MAN1A1: variants seen among roughly 807,000 people sequenced by gnomAD.
The protein encoded by MAN1A1 is mannosyl-oligosaccharide 1,2-alpha-mannosidase IA.
Under a neutral mutation model 70.8 loss-of-function variants are expected in MAN1A1, and 29 were observed. The observed-to-expected ratio is 0.41, with a 90% CI of 0.31 to 0.56. The LOEUF (loss-of-function observed/expected upper bound fraction) is 0.56, where lower values mean the gene tolerates loss of function less well. Among genes scored for constraint, MAN1A1 ranks in the 20% least tolerant of loss-of-function variants. MAN1A1 has a pLI of 0.29. For missense variants in MAN1A1, 747 were observed against 841.3 expected, an observed-to-expected ratio of 0.89 and a Z score of 1.39; for synonymous variants, 349 against 330.1, an observed-to-expected ratio of 1.06 and a Z score of -0.62.
chr6:119,255,065 G>A (rs1165042397), intron 5 of MAN1A1, among the ~76,000 whole-genome samples: 1 of 152,112 alleles, frequency 6.6e-6, no homozygotes, highest in Non-Finnish European at 1.5e-5. Context: ...ATCAGACAAG[G>A]CTGTAAACAA....
At chr6:119,190,706 G>A (rs1003334384) in intron 9 of MAN1A1, among the ~76,000 whole-genome samples, 1 of 152,030 alleles carries the variant, frequency 6.6e-6, no homozygotes, top group Admixed American at 6.6e-5. Flanking sequence ...CTTTAAATTT[G>A]GGAGAAATGA....
At chr6:119,281,936 T>C (rs56763032) in intron 5 of MAN1A1, among the ~76,000 whole-genome samples, 57,411 of 150,146 alleles carry the variant, frequency 0.38, 11,341 homozygotes, top group Non-Finnish European at 0.41. Context: ...GTGGCGGGAG[T>C]CTGTAATCCC....
At chr6:119,283,509 T>C (rs997924743) in intron 5 of MAN1A1, among the ~76,000 whole-genome samples, 7 of 151,732 alleles carry the variant, frequency 4.6e-5, no homozygotes, top group Admixed American at 4.6e-4. Context: ...CCATAAACAA[T>C]GAACTATAAT....
intron 6 of MAN1A1, among the ~76,000 whole-genome samples, chr6:119,216,337 C>A (rs922756693): frequency 1.3e-5 from 2 of 152,066 alleles, no homozygotes; most frequent in Non-Finnish European, 2.9e-5. Flanking sequence ...TCGTTGGTGG[C>A]CTGGTCTGGG....
At chr6:119,216,277 A>G (rs113099384) in intron 6 of MAN1A1, among the ~76,000 whole-genome samples, 1 of 152,206 alleles carries the variant, frequency 6.6e-6, no homozygotes, top group Non-Finnish European at 1.5e-5. Context: ...GGTTACATAA[A>G]AGGAGGAGTG....
chr6:119,348,586 G>C lies in MAN1A1; in HGVS notation c.480C>G (p.Asp160Glu), dbSNP rs1773805301. 4 of 1,613,826 alleles carry C rather than the reference G, an allele frequency of 2.5e-6. No individual in the cohort carries two copies. The highest frequency in any genetic ancestry group is 1.3e-5 in the African/African-American group (1 of 74,940). The change falls in exon 2 of 13, where the codon GAC becomes GAG. Residue 160 changes from aspartate to glutamate, a missense_variant. By Grantham distance (45) the Asp-to-Glu change is conservative. This residue lies in a region of MAN1A1 where 328 missense variants were observed against 293.1 expected (regional missense o/e 1.12). Coordinates refer to ENST00000368468, the MANE Select transcript of MAN1A1 (RefSeq NM_005907.4). ...ILLEKKKVAQ[D>E]QLRDKAPFRG... ...TGAACGGCGCCTTGTCACGCAGCTG[G>C]TCCTGGGCCACCTTCTTCTTCTCCA...
intron 8 of MAN1A1, among the ~76,000 whole-genome samples, chr6:119,195,154 C>T (rs1773536702): frequency 6.6e-6 from 1 of 152,040 alleles, no homozygotes. Flanking sequence ...GACAGTGCCC[C>T]TTCAATCTAT....
chr6:119,243,254 T>C (rs898753922), intron 6 of MAN1A1, among the ~76,000 whole-genome samples: 2 of 152,048 alleles, frequency 1.3e-5, no homozygotes, highest in Non-Finnish European at 2.9e-5. Context: ...GTTCAGAAAA[T>C]TTGTTTATTG....
intron 2 of MAN1A1, among the ~76,000 whole-genome samples, chr6:119,337,161 T>C (rs901058851): frequency 6.6e-6 from 1 of 152,156 alleles, no homozygotes; most frequent in Non-Finnish European, 1.5e-5. Context: ...TTTCATTTTA[T>C]AAATCATTCT....
Position 119,348,884 on chromosome 6 carries a change from A to T in MAN1A1, c.182T>A (p.Phe61Tyr). 1 of 1,534,924 alleles carries T rather than the reference A, an allele frequency of 6.5e-7. No individual in the cohort carries two copies. Among genetic ancestry groups the T allele is most frequent in the Non-Finnish European group, 8.8e-7 (1 of 1,142,630 alleles). ...GAGCAGCTTGGAGGAGTCTGGCAGG[A>T]AGAAGATCGCCCCGAAGCAGAGCGT... ...FITLCFGAIF[F>Y]LPDSSKLLSG... The change falls in exon 2 of 13, where the codon TTC (phenylalanine) becomes TAC (tyrosine). Residue 61 changes from phenylalanine (F) to tyrosine (Y), a missense_variant. By Grantham distance (22) the Phe-to-Tyr change is conservative. Around this residue, in one of 2 missense-constraint regions of MAN1A1, gnomAD observed 328 missense variants for 293.1 expected, o/e 1.12. Coordinates refer to ENST00000368468, the MANE Select transcript of MAN1A1 (RefSeq NM_005907.4).
At chr6:119,274,970 A>T in intron 5 of MAN1A1, among the ~76,000 whole-genome samples, 1 of 152,224 alleles carries the variant, frequency 6.6e-6, no homozygotes, top group East Asian at 1.9e-4. Flanking sequence ...GCAATGAATA[A>T]ATGTTTTCAA....
intron 2 of MAN1A1, among the ~76,000 whole-genome samples, chr6:119,325,170 T>C (rs1466350511): frequency 6.6e-6 from 1 of 152,196 alleles, no homozygotes; most frequent in East Asian, 1.9e-4. Flanking sequence ...GTTGGGCCTA[T>C]ATTTACCTTA....
At chr6:119,293,505 GT>G (rs1228370669) in intron 4 of MAN1A1, among the ~76,000 whole-genome samples, 1 of 151,964 alleles carries the variant, frequency 6.6e-6, no homozygotes, top group African/African-American at 2.4e-5. Context: ...CTATGTCCTT[GT>G]CTTTAATAAA....
intron 4 of MAN1A1, among the ~76,000 whole-genome samples, chr6:119,301,095 G>A (rs897606808): frequency 2.0e-5 from 3 of 152,164 alleles, no homozygotes; most frequent in Non-Finnish European, 2.9e-5. Context: ...TTACTTGTGC[G>A]TGGTGACTGG....
intron 11 of MAN1A1, among the ~76,000 whole-genome samples, chr6:119,186,430 G>A (rs1302891779): frequency 3.9e-5 from 6 of 152,178 alleles, no homozygotes; most frequent in African/African-American, 1.4e-4. Flanking sequence ...AAGCAAAACA[G>A]GGACAGAAGA....
rs184115887 is a variant in MAN1A1 at position 119,297,779 on chromosome 6, G to T, written c.816+4209C>A. ...TTTTGAGATGGAGTCTCGCTCTGTCGCCCAGGCTGGAGTTTTTTTGTTTTG... is the reference window on the plus strand; with the variant it reads ...TTTTGAGATGGAGTCTCGCTCTGTCTCCCAGGCTGGAGTTTTTTTGTTTTG... On this transcript the variant is annotated intron_variant, in intron 4 of 12. Coordinates refer to ENST00000368468, the MANE Select transcript of MAN1A1 (RefSeq NM_005907.4). Among the ~76,000 whole-genome samples the T allele has an allele frequency of 5.5e-3, 533 of 97,446 alleles. 21 individuals are homozygous for T. The East Asian group carries it at 0.09, about 16-fold the overall frequency. 63.9% of individuals were successfully genotyped at this position (97,446 alleles called of 152,430 possible).
At chr6:119,205,790 A>C (rs1386299299) in intron 6 of MAN1A1, among the ~76,000 whole-genome samples, 1 of 152,160 alleles carries the variant, frequency 6.6e-6, no homozygotes, top group Non-Finnish European at 1.5e-5. Flanking sequence ...AAAATCCTAC[A>C]CTTTTAGTTT....
chr6:119,329,370 G>C (rs1391010988), intron 2 of MAN1A1, among the ~76,000 whole-genome samples: 3 of 152,120 alleles, frequency 2.0e-5, no homozygotes, highest in Non-Finnish European at 4.4e-5. Context: ...TAGCAGTCTT[G>C]GTTCCCTGTA....
At chr6:119,265,033 T>C (rs1469916183) in intron 5 of MAN1A1, among the ~76,000 whole-genome samples, 1 of 151,988 alleles carries the variant, frequency 6.6e-6, no homozygotes, top group African/African-American at 2.4e-5. Flanking sequence ...TATGTACAAC[T>C]TTCCTGAGAT....
Sources: gnomAD v4.1 joint callset for allele counts (sites outside exome capture counted in the v4.1 genomes callset) on GRCh38, gnomAD v4.1.1 for gene constraint, gnomAD v4.1.1 regional missense constraint, MANE v1.5 for transcripts, NCBI Gene and HGNC (gene_info 2026-07-23, HGNC 2026-07-21) for gene names.